MECOM: variants seen among roughly 807,000 people sequenced by gnomAD.
MECOM encodes the protein MDS1 and EVI1 complex locus, also known as histone-lysine N-methyltransferase MECOM.
A neutral mutation model predicts 116.3 loss-of-function variants in MECOM; 13 were observed. That is an observed-to-expected ratio of 0.11 (90% CI 0.07 to 0.18). MECOM has a LOEUF of 0.18. MECOM is among the 10% of genes least tolerant of loss of function. MECOM has a pLI of 1.00. For missense variants in MECOM, 1,299 were observed against 1,509.0 expected (o/e 0.86, Z 2.31); for synonymous variants, 528 against 535.2 (o/e 0.99, Z 0.19).
chr3:169,376,303 A>T (rs546971920), intron 2 of MECOM, among the ~76,000 whole-genome samples: 2 of 152,192 alleles, frequency 1.3e-5, no homozygotes, highest in Non-Finnish European at 2.9e-5. Flanking sequence ...ACTCCTATTC[A>T]ACATAGTATT....
chr3:169,588,908 T>G (rs528516494), intron 1 of MECOM, among the ~76,000 whole-genome samples: 6 of 152,098 alleles, frequency 3.9e-5, no homozygotes, highest in Admixed American at 2.6e-4. Context: ...ATGTACTACA[T>G]CTCCTACGGA....
chr3:169,383,249 C>T (rs1732774460), intron 1 of MECOM, among the ~76,000 whole-genome samples: 2 of 152,084 alleles, frequency 1.3e-5, no homozygotes, highest in Non-Finnish European at 2.9e-5. Context: ...TGAGATAATG[C>T]CATTTAAACC....
intron 1 of MECOM, among the ~76,000 whole-genome samples, chr3:169,584,377 A>C (rs1226097632): frequency 6.6e-6 from 1 of 151,306 alleles, no homozygotes; most frequent in Non-Finnish European, 1.5e-5. Flanking sequence ...CATCTTGGCT[A>C]ACACGGTGAA....
At chr3:169,128,138 C>T (rs554278661) in intron 4 of MECOM, 78 bp from the exon 5 acceptor site, 371 of 1,221,960 alleles carry the variant, frequency 3.0e-4, no homozygotes, top group Middle Eastern at 4.0e-4. Context: ...CCAAATTTTA[C>T]AAGACATAAT....
chr3:169,102,665 G>A (rs1208741772), intron 10 of MECOM, among the ~76,000 whole-genome samples: 5 of 152,078 alleles, frequency 3.3e-5, no homozygotes, highest in African/African-American at 1.2e-4. Context: ...CCCAAGAAAA[G>A]AACTGAAAGC....
intron 1 of MECOM, among the ~76,000 whole-genome samples, chr3:169,568,078 A>G (rs1216791937): frequency 6.6e-6 from 1 of 152,170 alleles, no homozygotes; most frequent in African/African-American, 2.4e-5. Flanking sequence ...GGTGAGCAGA[A>G]GCAGGATGGG....
At chr3:169,395,993 C>G (rs1045317186) in intron 1 of MECOM, among the ~76,000 whole-genome samples, 4 of 152,060 alleles carry the variant, frequency 2.6e-5, no homozygotes, top group Non-Finnish European at 5.9e-5. Context: ...CTTAAGGAGT[C>G]CAGAAACTAT....
intron 1 of MECOM, among the ~76,000 whole-genome samples, chr3:169,466,151 C>G (rs190332349): frequency 1.3e-4 from 20 of 152,274 alleles, no homozygotes; most frequent in Non-Finnish European, 2.5e-4. Flanking sequence ...GTTACTATTG[C>G]TGGGTTAGGA....
chr3:169,367,517 C>G (rs1434013891), intron 2 of MECOM, among the ~76,000 whole-genome samples: 2 of 151,808 alleles, frequency 1.3e-5, no homozygotes, highest in Non-Finnish European at 2.9e-5. Flanking sequence ...TATTTAAAAG[C>G]AAGAAGGCAT....
At position 169,090,039 on chromosome 3, in the gene MECOM, G is replaced by C. The variant is rs776563142; in HGVS notation, c.3362C>G (p.Thr1121Ser). 1 of 1,613,532 alleles carries C rather than the reference G, an allele frequency of 6.2e-7. No individual in the cohort carries two copies. Among genetic ancestry groups the C allele is most frequent in the South Asian group, 1.1e-5 (1 of 91,050 alleles). Residue 1121 changes from threonine (T) to serine (S), a missense_variant, in exon 15 of 17, where the codon ACC becomes AGC. Physicochemically the swap from Thr to Ser is moderately conservative, Grantham distance 58. Transcript: ENST00000651503. The stretch of plus-strand genomic sequence containing the variant: ...CTTGCAACTCATCTCCAGGGCACTG[G>C]TTTCTTCATAGTCATCCTCAGGGTT... ...EGNPEDDYEE[T>S]SALEMSCKTS...
intron 13 of MECOM, among the ~76,000 whole-genome samples, chr3:169,093,959 G>A (rs1304374685): frequency 6.6e-6 from 1 of 152,132 alleles, no homozygotes; most frequent in Non-Finnish European, 1.5e-5. Context: ...ACTTTGACAT[G>A]TTACATGTTT....
At chr3:169,548,247 A>C (rs1238836616) in intron 1 of MECOM, among the ~76,000 whole-genome samples, 2 of 152,166 alleles carry the variant, frequency 1.3e-5, no homozygotes, top group Non-Finnish European at 2.9e-5. Flanking sequence ...GTGGTTTAAA[A>C]ACCTAATTTG....
rs774788458 is a variant in MECOM, at chr3:169,102,197, C to A, written c.2634G>T (p.Lys878Asn). 2.5e-6 allele frequency: 4 copies of A among 1,613,522 alleles called. No homozygotes were observed. The East Asian group carries it at 6.7e-5, about 27-fold the overall frequency. Reference sequence around the variant, plus strand: ...GTTTCAGGGCACTGAAGCTCTCTAGCTTTTCTGCCATGTTTTCAATAGCTG... The same window carrying A: ...GTTTCAGGGCACTGAAGCTCTCTAGATTTTCTGCCATGTTTTCAATAGCTG... The part of the protein sequence containing the change: ...WMSAIENMAE[K>N]LESFSALKPE... The change falls in exon 11 of 17, where the codon AAG becomes AAT. Residue 878 changes from lysine to asparagine, a missense_variant. Lys to Asn is a moderately conservative substitution (Grantham distance 94). This residue lies in a region of MECOM where 340 missense variants were observed against 312.6 expected (regional missense o/e 1.09). Coordinates refer to ENST00000651503, the MANE Select transcript of MECOM (RefSeq NM_004991.4).
At chr3:169,570,055 T>C (rs567032285) in intron 1 of MECOM, among the ~76,000 whole-genome samples, 68 of 152,250 alleles carry the variant, frequency 4.5e-4, no homozygotes, top group South Asian at 1.0e-3. Flanking sequence ...GAGTTGGTTT[T>C]TTGAAAAGAT....
At chr3:169,644,245 T>A (rs1237600912) in intron 1 of MECOM, among the ~76,000 whole-genome samples, 2 of 36,210 alleles carry the variant, frequency 5.5e-5, no homozygotes, top group Admixed American at 5.1e-4. Context: ...TGTTTATTTA[T>A]TTATTTATTT....
chr3:169,176,328 A>T (rs935583827), intron 2 of MECOM, among the ~76,000 whole-genome samples: 1 of 152,092 alleles, frequency 6.6e-6, no homozygotes, highest in Non-Finnish European at 1.5e-5. Flanking sequence ...CATGAAATAT[A>T]AGAATGAGGT....
intron 2 of MECOM, among the ~76,000 whole-genome samples, chr3:169,307,303 G>A (rs1000539419): frequency 1.3e-5 from 2 of 152,106 alleles, no homozygotes; most frequent in East Asian, 1.9e-4. Context: ...CCACACAAAC[G>A]CCAAAATAAT....
In MECOM at chr3:169,115,839, A is replaced by G; in HGVS notation, c.2033T>C (p.Leu678Pro). 1 of 1,614,090 alleles carries G rather than the reference A, an allele frequency of 6.2e-7. No individual in the cohort carries two copies. The highest frequency in any genetic ancestry group is 8.5e-7 in the Non-Finnish European group (1 of 1,180,026). ...AACTTTTTTGTCTTGCAGCCCCACC[A>G]GTCCTGTTGAACCAAAGTATTTTTC... ...IAEKYFGSTGLVGLQDKKVGA... is the reference protein window; with the variant it reads ...IAEKYFGSTGPVGLQDKKVGA... Residue 678 changes from leucine (L) to proline (P), a missense_variant, in exon 8 of 17, where the codon CTG becomes CCG. Leu to Pro is a moderately conservative substitution (Grantham distance 98). This residue lies in a region of MECOM where 340 missense variants were observed against 312.6 expected (regional missense o/e 1.09). Transcript: ENST00000651503.
intron 1 of MECOM, among the ~76,000 whole-genome samples, chr3:169,505,920 A>G (rs904801938): frequency 2.0e-5 from 3 of 152,180 alleles, no homozygotes; most frequent in Non-Finnish European, 2.9e-5. Flanking sequence ...CTTGCCTCAC[A>G]TCAGTCAGAG....
Sources: allele counts gnomAD v4.1 joint callset (sites outside exome capture counted in the v4.1 genomes callset), GRCh38; gene constraint gnomAD v4.1.1; regional missense constraint gnomAD v4.1.1; transcripts MANE v1.5; gene names NCBI Gene and HGNC (gene_info 2026-07-23, HGNC 2026-07-21).